INPP5D: variants seen among roughly 807,000 people sequenced by gnomAD.
The protein encoded by INPP5D is inositol polyphosphate-5-phosphatase D, also known as phosphatidylinositol 3,4,5-trisphosphate 5-phosphatase 1.
A neutral mutation model predicts 122.9 loss-of-function variants in INPP5D; 33 were observed. The ratio of observed to expected loss-of-function variants is 0.27; its 90% CI spans 0.20 to 0.36. INPP5D has a LOEUF of 0.36. Ranked by LOEUF, INPP5D falls within the 10% of genes least tolerant of loss-of-function variation. The pLI, the probability that INPP5D is intolerant of heterozygous loss-of-function variation, is 1.00. For synonymous variants in INPP5D, 584 were observed against 576.2 expected (o/e 1.01, Z -0.19); for missense variants, 1,053 against 1,412.7 (o/e 0.75, Z 4.08).
At chr2:233,103,789 C>T (rs1489001251) in intron 2 of INPP5D, among the ~76,000 whole-genome samples, 1 of 149,904 alleles carries the variant, frequency 6.7e-6, no homozygotes, top group Non-Finnish European at 1.5e-5. Context: ...TCACTGCAAC[C>T]TCTACCTCCC....
Position 233,164,181 on chromosome 2 carries a change from A to G in INPP5D, c.1438-126A>G. 1 of 1,437,808 alleles carries G rather than the reference A, an allele frequency of 7.0e-7. No individual in the cohort carries two copies. Among genetic ancestry groups the G allele is most frequent in the Non-Finnish European group, 9.1e-7 (1 of 1,095,656 alleles). 89.1% of individuals were successfully genotyped at this position (1,437,808 alleles called of 1,614,324 possible). On this transcript the variant is annotated intron_variant, in intron 12 of 26. Transcript: ENST00000445964. This position sits in a 1 kb window ranked among gnomAD's most constrained non-coding sequence, Gnocchi z 4.3. ...ATCAAGCATCGCTGGGAGTCCCCCG[A>G]AGGGTTGGGATTACAGACAGGATAC... is the stretch of plus-strand genomic sequence containing the variant.
chr2:233,069,545 G>A (rs1691321565), intron 1 of INPP5D, among the ~76,000 whole-genome samples: 1 of 151,998 alleles, frequency 6.6e-6, no homozygotes. Context: ...TATAATTTTA[G>A]TCTGAGATTT....
Position 233,204,552 on chromosome 2 carries a change from G to A in INPP5D, c.3402G>A (p.Pro1134=), listed in dbSNP as rs947296595. The A allele has an allele frequency of 4.4e-6, 7 of 1,573,346 alleles. No homozygotes were observed. The highest frequency in any genetic ancestry group is 4.1e-5 in the African/African-American group (3 of 73,806). The change falls in exon 26 of 27, where the codon CCG becomes CCA. Residue 1134 remains proline, a synonymous_variant. Transcript: ENST00000445964. Reference sequence around the variant, plus strand: ...GATCGGAAATCAACCAGCAGACCCCGCCCACCCCGACGCCGCGGCCGCCGC... The same window carrying A: ...GATCGGAAATCAACCAGCAGACCCCACCCACCCCGACGCCGCGGCCGCCGC... ...PSRSEINQQT[P]PTPTPRPPLP... is the part of the protein sequence containing the mutation.
In INPP5D at chr2:233,195,448, G is replaced by A. The variant is rs1574802677; in HGVS notation, c.2646G>A (p.Lys882=). 10 of 1,613,670 alleles carry A rather than the reference G, an allele frequency of 6.2e-6. 3 individuals are homozygous for A. The Admixed American group carries it at 1.5e-4, about 24-fold the overall frequency. The stretch of plus-strand genomic sequence containing the variant: ...AATCCAGTGGGCCAAAGACCCTGAA[G>A]AGCCTCACCAGCCACGACCCCATGA... ...RDESSGPKTL[K]SLTSHDPMKQ... is the part of the protein sequence containing the mutation. Residue 882 remains lysine (K), a synonymous_variant, in exon 24 of 27, where the codon AAG becomes AAA. Coordinates refer to ENST00000445964, the MANE Select transcript of INPP5D (RefSeq NM_001017915.3).
chr2:233,114,103 T>C (rs1470763349), intron 2 of INPP5D, among the ~76,000 whole-genome samples: 2 of 151,938 alleles, frequency 1.3e-5, no homozygotes, highest in Non-Finnish European at 2.9e-5. Flanking sequence ...AGAGATGGGG[T>C]TTCACTGTGT....
At position 233,204,634 on chromosome 2, in the gene INPP5D, C is replaced by A; in HGVS notation, c.3484C>A (p.Arg1162Ser). 1.3e-6 allele frequency: 2 copies of A among 1,582,932 alleles called. No homozygotes were observed. Among genetic ancestry groups the A allele is most frequent in the Non-Finnish European group, 8.6e-7 (1 of 1,166,000 alleles). Residue 1162 changes from arginine to serine, a missense_variant, in exon 26 of 27, where the codon CGC becomes AGC. Coordinates refer to ENST00000445964, the MANE Select transcript of INPP5D (RefSeq NM_001017915.3). ...CCAGCACTCCAAGGGCCGCGACTAC[C>A]GCGACAACACCGAGCTCCCGCATCA... is the stretch of plus-strand genomic sequence containing the variant. The part of the protein sequence containing the change: ...HLQHSKGRDY[R>S]DNTELPHHGK...
chr2:233,144,378 TCATGATCACGGTGGGAGTGATAGG>T (rs1693695637), intron 6 of INPP5D, among the ~76,000 whole-genome samples: 2 of 139,376 alleles, frequency 1.4e-5, no homozygotes, highest in African/African-American at 5.2e-5. Context: ...GTGGAGGTGG[TCATGATCACGGTGGGAGTGATAGG>T]GGTGGAGATG....
intron 2 of INPP5D, among the ~76,000 whole-genome samples, chr2:233,111,069 T>C (rs1323412967): frequency 2.6e-5 from 4 of 152,254 alleles, no homozygotes; most frequent in African/African-American, 4.8e-5. Flanking sequence ...TTTAGCATAC[T>C]GTTTATCATC....
rs373004102 is a variant in INPP5D at position 233,171,198 on chromosome 2, C to T, written c.1989+46C>T. ...CCTTCCCTGCCCTCCATCTCCTCCC[C>T]GCTGGTGTCTGTTCCCAAAAGGTGA... On this transcript the variant is annotated intron_variant, in intron 17 of 26. Coordinates refer to ENST00000445964, the MANE Select transcript of INPP5D (RefSeq NM_001017915.3). The T allele has an allele frequency of 4.5e-4, 722 of 1,599,668 alleles. 2 individuals carry two copies. Among genetic ancestry groups the T allele is most frequent in the South Asian group, 1.8e-3 (164 of 88,788 alleles).
At chr2:233,125,674 A>G in intron 3 of INPP5D, 71 bp from the exon 4 acceptor site, 2 of 1,420,544 alleles carry the variant, frequency 1.4e-6, no homozygotes, top group Non-Finnish European at 1.9e-6. Context: ...CCTGGACCCC[A>G]TGGGGCTGCG....
At chr2:233,104,723 C>A (rs1178630242) in intron 2 of INPP5D, among the ~76,000 whole-genome samples, 3 of 152,110 alleles carry the variant, frequency 2.0e-5, no homozygotes, top group Non-Finnish European at 4.4e-5. Context: ...GACGGTGAAT[C>A]GTTTGGTCAG....
At position 233,186,684 on chromosome 2, in the gene INPP5D, C is replaced by CTTTTTTTTTTTTTTTTTTTTTTTTTT. The variant is rs144243823; in HGVS notation, c.2358+790_2358+815dup. On this transcript the variant is annotated intron_variant, in intron 21 of 26. Transcript: ENST00000445964. The stretch of plus-strand genomic sequence containing the variant: ...CTTGTTTTTTTTTCTTTTTCTCTTT[C>CTTTTTTTTTTTTTTTTTTTTTTTTTT]TTTTTTTTTTTTTTTTTTTTTTTTT... Among the ~76,000 whole-genome samples, 6 of 44,534 alleles carry CTTTTTTTTTTTTTTTTTTTTTTTTTT rather than the reference C, an allele frequency of 1.3e-4. 1 individual carries two copies. Among genetic ancestry groups the CTTTTTTTTTTTTTTTTTTTTTTTTTT allele is most frequent in the Admixed American group, 3.0e-4 (1 of 3,374 alleles). The allele number at this position is 44,534 out of a possible 152,430, so 29.2% of individuals were successfully genotyped here. A position where few individuals can be genotyped will look rare whatever the true frequency, so the allele number is the denominator to read the frequency against.
chr2:233,101,273 C>G (rs1197302256), intron 2 of INPP5D, among the ~76,000 whole-genome samples: 1 of 152,136 alleles, frequency 6.6e-6, no homozygotes, highest in African/African-American at 2.4e-5. Flanking sequence ...GCATTCACAA[C>G]CAGCTCTTGG....
chr2:233,093,648 C>G (rs976984884), intron 2 of INPP5D, among the ~76,000 whole-genome samples: 4 of 149,030 alleles, frequency 2.7e-5, no homozygotes, highest in African/African-American at 1.0e-4. Flanking sequence ...TCACTGCACA[C>G]TCCAGTCTGG....
chr2:233,151,631 A>T (rs530679391), intron 9 of INPP5D, among the ~76,000 whole-genome samples: 5 of 152,328 alleles, frequency 3.3e-5, no homozygotes, highest in Non-Finnish European at 7.4e-5. Flanking sequence ...CAATTGCCTG[A>T]GGCACTTGCA....
At chr2:233,077,744 C>T (rs1274007103) in intron 1 of INPP5D, among the ~76,000 whole-genome samples, 1 of 150,524 alleles carries the variant, frequency 6.6e-6, no homozygotes, top group African/African-American at 2.5e-5. Flanking sequence ...CTTGTAATCC[C>T]AGTTACTTGA....
At position 233,100,132 on chromosome 2, in the gene INPP5D, A is replaced by G. The variant is rs1692269419; in HGVS notation, c.198+20734A>G. Reference sequence around the variant, plus strand: ...ATTTGGGTGGGGACACAGTCAAACCATATCAGAGTGGAAGCATTCCCTTTC... The same window carrying G: ...ATTTGGGTGGGGACACAGTCAAACCGTATCAGAGTGGAAGCATTCCCTTTC... On this transcript the variant is annotated intron_variant, in intron 2 of 26. Transcript: ENST00000445964. This position sits in a 1 kb window ranked among gnomAD's most constrained non-coding sequence, Gnocchi z 5.3. Among the ~76,000 whole-genome samples the G allele has an allele frequency of 6.6e-6, 1 of 152,196 alleles. No homozygotes were observed. The highest frequency in any genetic ancestry group is 1.9e-4 in the East Asian group (1 of 5,190).
chr2:233,131,825 T>G (rs188657979), intron 5 of INPP5D, among the ~76,000 whole-genome samples: 1 of 152,378 alleles, frequency 6.6e-6, no homozygotes, highest in Non-Finnish European at 1.5e-5. Context: ...CGTTTCAAGA[T>G]TCCTTTGTTG....
rs969276809 is a variant in INPP5D at position 233,189,263 on chromosome 2, T to C, written c.2359-587T>C. Among the ~76,000 whole-genome samples, 1 of 152,190 alleles carries C rather than the reference T, an allele frequency of 6.6e-6. No homozygotes were observed. The highest frequency in any genetic ancestry group is 2.4e-5 in the African/African-American group (1 of 41,454). On this transcript the variant is annotated intron_variant, in intron 21 of 26. Coordinates refer to ENST00000445964, the MANE Select transcript of INPP5D (RefSeq NM_001017915.3). The surrounding 1 kb of genome is among the most constrained non-coding windows in gnomAD (Gnocchi z 5.6). The stretch of plus-strand genomic sequence containing the variant: ...GTGGGAGCCTGTGTCTGTCATTCGC[T>C]GAGCCACACCCCCAACAATCGGTAG...
Sources: allele counts gnomAD v4.1 joint callset (sites outside exome capture counted in the v4.1 genomes callset), GRCh38; gene constraint gnomAD v4.1.1; non-coding constraint Gnocchi (gnomAD v3.1); transcripts MANE v1.5; gene names NCBI Gene and HGNC (gene_info 2026-07-23, HGNC 2026-07-21).